Variants in AASS observed in about 807,000 individuals in gnomAD.
The protein encoded by AASS is aminoadipate-semialdehyde synthase, also known as alpha-aminoadipic semialdehyde synthase, mitochondrial.
A neutral mutation model predicts 105.4 loss-of-function variants in AASS; 86 were observed. That is an observed-to-expected ratio of 0.82 (90% CI 0.69 to 0.98). The LOEUF (loss-of-function observed/expected upper bound fraction) is 0.98, where lower values mean the gene tolerates loss of function less well. AASS is among the 50% of genes least tolerant of loss of function. The pLI, the probability that AASS is intolerant of heterozygous loss-of-function variation, is 0.00. For synonymous variants in AASS, 381 were observed against 394.8 expected (o/e 0.96, Z 0.41); for missense variants, 1,048 against 1,143.2 (o/e 0.92, Z 1.20).
Position 122,113,135 on chromosome 7 carries a change from G to A in AASS, c.1261C>T (p.Pro421Ser), listed in dbSNP as rs369899595. ...CTGCTTACCATTTCTTCAACATAAG[G>A]GTAAAGCATGTCTCCAAAGCATTCT... ...ATECFGDMLYPYVEEMILSDA... is the reference protein window; with the variant it reads ...ATECFGDMLYSYVEEMILSDA... The change falls in exon 11 of 24, where the codon CCT becomes TCT. Residue 421 changes from proline to serine, a missense_variant. Coordinates refer to ENST00000417368, the MANE Select transcript of AASS (RefSeq NM_005763.4). 1.9e-6 allele frequency: 3 copies of A among 1,613,770 alleles called. No individual in the cohort carries two copies. Among genetic ancestry groups the A allele is most frequent in the Non-Finnish European group, 2.5e-6 (3 of 1,179,762 alleles).
intron 4 of AASS, among the ~76,000 whole-genome samples, chr7:122,121,740 A>G (rs778172650): frequency 1.3e-5 from 2 of 152,122 alleles, no homozygotes; most frequent in African/African-American, 2.4e-5. Flanking sequence ...TACCATTTGT[A>G]GTGTTCTTTA....
chr7:122,110,634 A>G (rs1441509915), intron 11 of AASS, among the ~76,000 whole-genome samples: 2 of 151,974 alleles, frequency 1.3e-5, no homozygotes, highest in African/African-American at 4.8e-5. Flanking sequence ...TCAAGCCAAC[A>G]TAAACTTAAT....
chr7:122,104,242 G>A (rs1226860271), intron 11 of AASS, among the ~76,000 whole-genome samples: 1 of 151,978 alleles, frequency 6.6e-6, no homozygotes, highest in Non-Finnish European at 1.5e-5. Flanking sequence ...CCCATCAGTG[G>A]TGAATTGGAT....
At chr7:122,101,249 T>C in intron 13 of AASS, 122 bp downstream of exon 13, 1 of 814,878 alleles carries the variant, frequency 1.2e-6, no homozygotes, top group Non-Finnish European at 2.0e-6. Context: ...TTTCAAACAT[T>C]ATCAAAATTT....
chr7:122,113,242 A>G lies in AASS; in HGVS notation c.1167-13T>C, dbSNP rs1292465113. 1.2e-6 allele frequency: 2 copies of G among 1,608,480 alleles called. No individual in the cohort carries two copies. Among genetic ancestry groups the G allele is most frequent in the East Asian group, 2.2e-5 (1 of 44,820 alleles). Reference sequence around the variant, plus strand: ...CGAGCCTTCAACACTAAAAGCAGCAATGTGGTTTATTCAGAAGCACAAAAC... The same window carrying G: ...CGAGCCTTCAACACTAAAAGCAGCAGTGTGGTTTATTCAGAAGCACAAAAC... On this transcript the variant is annotated splice_polypyrimidine_tract_variant and intron_variant, in intron 10 of 23. Coordinates refer to ENST00000417368, the MANE Select transcript of AASS (RefSeq NM_005763.4).
At chr7:122,111,019 T>C (rs1461052756) in intron 11 of AASS, among the ~76,000 whole-genome samples, 1 of 152,118 alleles carries the variant, frequency 6.6e-6, no homozygotes, top group Non-Finnish European at 1.5e-5. Context: ...TTGATACATG[T>C]ACATAATATC....
intron 7 of AASS, 28 bp from the exon 8 acceptor site, chr7:122,116,788 G>A (rs1334168224): frequency 6.2e-7 from 1 of 1,613,760 alleles, no homozygotes; most frequent in East Asian, 2.2e-5. Flanking sequence ...AATTAGTAAA[G>A]TGGGTGACAA....
At position 122,091,747 on chromosome 7, in the gene AASS, A is replaced by G. The variant is rs1793911804; in HGVS notation, c.1972T>C (p.Leu658=). 1 of 1,613,472 alleles carries G rather than the reference A, an allele frequency of 6.2e-7. No individual in the cohort carries two copies. The highest frequency in any genetic ancestry group is 1.3e-5 in the African/African-American group (1 of 74,928). ...YKFSWSPVGV[L]MNVMQSATYL... ...GTGGCAGACTGCATTACATTCATCA[A>G]AACTCCCACTGGACTCCAGCTAAAT... Residue 658 remains leucine, a synonymous_variant, in exon 18 of 24, where the codon TTG becomes CTG. Transcript: ENST00000417368.
chr7:122,085,867 TATTC>T lies in AASS; in HGVS notation c.2184+141_2184+144del, dbSNP rs146439271. The T allele has an allele frequency of 1.2e-3, 1,107 of 914,978 alleles. 11 individuals carry two copies. In the African/African-American group the frequency reaches 0.016, roughly 13 times the overall value. The allele number at this position is 914,978 out of a possible 1,614,324, so 56.7% of individuals were successfully genotyped here. A position where few individuals can be genotyped will look rare whatever the true frequency, so the allele number is the denominator to read the frequency against. On this transcript the variant is annotated intron_variant, in intron 19 of 23. Transcript: ENST00000417368. ...TTATTTTGAGGTGAGTCTCCTAAAATATTCAATCAATCATAAGATTCCTGAAAAA... is the reference window on the plus strand; with the variant it reads ...TTATTTTGAGGTGAGTCTCCTAAAATAATCAATCATAAGATTCCTGAAAAA...
At position 122,086,150 on chromosome 7, in the gene AASS, A is replaced by T. The variant is rs1000133155; in HGVS notation, c.2046T>A (p.Phe682Leu). 2 of 1,613,564 alleles carry T rather than the reference A, an allele frequency of 1.2e-6. No homozygotes were observed. The highest frequency in any genetic ancestry group is 8.5e-7 in the Non-Finnish European group (1 of 1,179,768). The change falls in exon 19 of 24, where the codon TTT becomes TTA. Residue 682 changes from phenylalanine (F) to leucine (L), a missense_variant. Transcript: ENST00000417368. ...KVVNVAGGIS[F>L]LDAVTSMDFF... ...AATCCATGGACGTAACGGCATCAAG[A>T]AAGGAGATGCCTCCTGCAACATTCA...
intron 3 of AASS, among the ~76,000 whole-genome samples, chr7:122,128,414 T>A (rs555648438): frequency 2.6e-5 from 4 of 152,318 alleles, no homozygotes; most frequent in African/African-American, 9.6e-5. Flanking sequence ...TCCTTTAGAT[T>A]GTTGCTCAAT....
At chr7:122,090,042 A>T (rs1004303974) in intron 18 of AASS, among the ~76,000 whole-genome samples, 2 of 152,284 alleles carry the variant, frequency 1.3e-5, no homozygotes, top group African/African-American at 4.8e-5. Flanking sequence ...TTCTGGTCCA[A>T]ACCTTCATGA....
chr7:122,126,580 A>G (rs953137739), intron 3 of AASS, 121 bp from the exon 4 acceptor site: 4 of 835,486 alleles, frequency 4.8e-6, no homozygotes, highest in Non-Finnish European at 8.1e-6. Context: ...TAACTTGCTA[A>G]CAGAAGCTAC....
At chr7:122,125,383 A>G (rs966573344) in intron 4 of AASS, among the ~76,000 whole-genome samples, 4 of 152,220 alleles carry the variant, frequency 2.6e-5, no homozygotes, top group African/African-American at 7.2e-5. Flanking sequence ...AAGAAACAGC[A>G]CATGAACATA....
chr7:122,108,870 G>A (rs1027942399), intron 11 of AASS, among the ~76,000 whole-genome samples: 3 of 151,952 alleles, frequency 2.0e-5, no homozygotes, highest in Non-Finnish European at 4.4e-5. Flanking sequence ...AAGTCAAATT[G>A]TCCTTGTTTG....
chr7:122,099,704 T>C (rs566129329), intron 13 of AASS, among the ~76,000 whole-genome samples: 94 of 152,036 alleles, frequency 6.2e-4, no homozygotes, highest in Non-Finnish European at 1.1e-3. Flanking sequence ...AAGTAGGCTC[T>C]GTTATTTAGA....
chr7:122,079,288 G>A (rs1793192754), intron 21 of AASS: 1 of 1,345,284 alleles, frequency 7.4e-7, no homozygotes, highest in Admixed American at 3.1e-5. Context: ...TCATATGAAA[G>A]AATGTTTTCA....
chr7:122,136,910 A>G (rs1796163767), intron 1 of AASS, among the ~76,000 whole-genome samples: 1 of 152,194 alleles, frequency 6.6e-6, no homozygotes, highest in African/African-American at 2.4e-5. Context: ...GGAAAGCAGT[A>G]GACACACACA....
intron 10 of AASS, 62 bp from the exon 11 acceptor site, chr7:122,113,291 C>G: frequency 1.4e-6 from 2 of 1,402,696 alleles, no homozygotes; most frequent in South Asian, 1.2e-5. Flanking sequence ...TCTGACTTTT[C>G]CAGATGTCTA....
Sources: allele counts gnomAD v4.1 joint callset (sites outside exome capture counted in the v4.1 genomes callset), GRCh38; gene constraint gnomAD v4.1.1; transcripts MANE v1.5; gene names NCBI Gene and HGNC (gene_info 2026-07-23, HGNC 2026-07-21).